The following TMEM45A variants were observed in gnomAD, a reference collection of about 807,000 sequenced individuals.
TMEM45A encodes transmembrane protein 45A, also known as DNA polymerase-transactivated protein 4.
A neutral mutation model predicts 32.0 loss-of-function variants in TMEM45A; 25 were observed. The observed-to-expected ratio is 0.78, with a 90% CI of 0.57 to 1.09. The LOEUF is 1.09. TMEM45A is among the 50% of genes least tolerant of loss of function. The pLI is 0.00. For synonymous variants in TMEM45A, 122 were observed against 114.8 expected, an observed-to-expected ratio of 1.06 and a Z score of -0.40; for missense variants, 302 against 325.0, an observed-to-expected ratio of 0.93 and a Z score of 0.54.
rs191121986 is a variant in TMEM45A at position 100,556,289 on chromosome 3, G to A, written c.191-471G>A. 1.6e-3 allele frequency among the ~76,000 whole-genome samples: 238 copies of A among 152,320 alleles called. 2 individuals carry two copies. Among genetic ancestry groups the A allele is most frequent in the Non-Finnish European group, 2.4e-3 (163 of 68,024 alleles). ...AGCCACTGTGCCCAGTCCTGTCTGG[G>A]CTTTCTCAGTTATCATAATTGGAGA... On this transcript the variant is annotated intron_variant, in intron 2 of 5. Transcript: ENST00000323523.
At chr3:100,500,683 C>T (rs1707998087) in intron 1 of TMEM45A, among the ~76,000 whole-genome samples, 1 of 152,232 alleles carries the variant, frequency 6.6e-6, no homozygotes, top group East Asian at 1.9e-4. Flanking sequence ...CTGGTGCCAT[C>T]AACAATCTTG....
chr3:100,558,281 G>A, intron 3 of TMEM45A, 124 bp from the exon 4 acceptor site: 1 of 1,111,606 alleles, frequency 9.0e-7, no homozygotes, highest in Non-Finnish European at 1.3e-6. Context: ...GGAATCAGTG[G>A]GCGCCTGCTC....
intron 1 of TMEM45A, among the ~76,000 whole-genome samples, chr3:100,517,059 A>G (rs1369588665): frequency 6.6e-6 from 1 of 152,164 alleles, no homozygotes; most frequent in Non-Finnish European, 1.5e-5. Flanking sequence ...TGTGTTCTCA[A>G]TCACTGATGG....
intron 1 of TMEM45A, among the ~76,000 whole-genome samples, chr3:100,495,742 T>C (rs1383533251): frequency 1.3e-5 from 2 of 152,126 alleles, no homozygotes; most frequent in Non-Finnish European, 2.9e-5. Context: ...AGTCTGTGTT[T>C]TGGAGTCATT....
chr3:100,496,386 A>G (rs1338667913), intron 1 of TMEM45A, among the ~76,000 whole-genome samples: 1 of 152,226 alleles, frequency 6.6e-6, no homozygotes, highest in African/African-American at 2.4e-5. Flanking sequence ...TTGAGGAGAC[A>G]AGGGCAAAGG....
intron 4 of TMEM45A, among the ~76,000 whole-genome samples, chr3:100,561,341 G>A (rs1706325996): frequency 6.6e-6 from 1 of 152,086 alleles, no homozygotes; most frequent in East Asian, 1.9e-4. Context: ...TGGTTAATAT[G>A]TTAATACTTG....
chr3:100,568,332 AT>A (rs1706486458), intron 4 of TMEM45A, among the ~76,000 whole-genome samples: 1 of 152,190 alleles, frequency 6.6e-6, no homozygotes, highest in South Asian at 2.1e-4. Flanking sequence ...CTCTAGCTAA[AT>A]CTTAACTTAA....
chr3:100,518,606 C>G (rs926269309), intron 1 of TMEM45A, among the ~76,000 whole-genome samples: 1 of 152,184 alleles, frequency 6.6e-6, no homozygotes, highest in Non-Finnish European at 1.5e-5. Context: ...ATTTCTTAAG[C>G]AAGAGACAAG....
intron 1 of TMEM45A, among the ~76,000 whole-genome samples, chr3:100,549,513 T>C (rs1706049933): frequency 6.6e-6 from 1 of 152,172 alleles, no homozygotes; most frequent in Admixed American, 6.5e-5. Flanking sequence ...GTGAGTCACA[T>C]CCAGAACTGC....
intron 1 of TMEM45A, among the ~76,000 whole-genome samples, chr3:100,528,530 G>C (rs1705590139): frequency 6.6e-6 from 1 of 152,204 alleles, no homozygotes; most frequent in Non-Finnish European, 1.5e-5. Context: ...AGGCAGGATG[G>C]AAGGAGACTT....
Position 100,505,092 on chromosome 3 carries a change from G to T in TMEM45A, c.-4+12164G>T, listed in dbSNP as rs192339792. Among the ~76,000 whole-genome samples, 85 of 152,312 alleles carry T rather than the reference G, an allele frequency of 5.6e-4. 1 individual carries two copies. Among genetic ancestry groups the T allele is most frequent in the Non-Finnish European group, 2.9e-4 (20 of 68,026 alleles). ...GTTGTCACAGACTCATTGCTGGGGA[G>T]TGTGGCTACCATTGCTGCATTGGTT... On this transcript the variant is annotated intron_variant, in intron 1 of 5. Coordinates refer to ENST00000323523, the MANE Select transcript of TMEM45A (RefSeq NM_018004.3).
At chr3:100,552,313 A>G (rs1403339025) in intron 1 of TMEM45A, among the ~76,000 whole-genome samples, 1 of 152,176 alleles carries the variant, frequency 6.6e-6, no homozygotes, top group Non-Finnish European at 1.5e-5. Context: ...CATAGAGGCT[A>G]TTGAGGAGGA....
chr3:100,528,176 G>A (rs1705582694), intron 1 of TMEM45A, among the ~76,000 whole-genome samples: 1 of 152,182 alleles, frequency 6.6e-6, no homozygotes, highest in South Asian at 2.1e-4. Flanking sequence ...GGTGCCAAGG[G>A]TTGAAGGACA....
intron 4 of TMEM45A, 24 bp from the exon 5 acceptor site, chr3:100,568,798 T>C (rs1216986735): frequency 2.5e-6 from 4 of 1,578,892 alleles, no homozygotes; most frequent in Non-Finnish European, 3.5e-6. Flanking sequence ...TATTTTAATA[T>C]ATGCTTTTTG....
chr3:100,528,561 T>A (rs954558175), intron 1 of TMEM45A, among the ~76,000 whole-genome samples: 1 of 152,072 alleles, frequency 6.6e-6, no homozygotes, highest in African/African-American at 2.4e-5. Context: ...GGACCCCTTG[T>A]TTTTTTCTGT....
At chr3:100,514,581 C>T (rs544751673) in intron 1 of TMEM45A, among the ~76,000 whole-genome samples, 27,519 of 151,428 alleles carry the variant, frequency 0.18, 2,644 homozygotes, top group East Asian at 0.28. Flanking sequence ...GACTTCATGT[C>T]TAAAACACCA....
rs1286436968 is a variant in TMEM45A at position 100,558,493 on chromosome 3, C to G, written c.492C>G (p.Gly164=). Residue 164 remains glycine (G), a synonymous_variant, in exon 4 of 6, where the codon GGC becomes GGG. Coordinates refer to ENST00000323523, the MANE Select transcript of TMEM45A (RefSeq NM_018004.3). ...TGGTTTTGGTCGTCTTTCTGACAGG[C>G]CTCGTTGCCTTCCTAGAGTTCCTTG... The part of the protein sequence containing the change: ...QLLVLVVFLT[G]LVAFLEFLVR... 6.2e-7 allele frequency: 1 copy of G among 1,614,036 alleles called. No individual in the cohort carries two copies. The highest frequency in any genetic ancestry group is 1.3e-5 in the African/African-American group (1 of 74,920).
At position 100,556,848 on chromosome 3, in the gene TMEM45A, GCAT is replaced by G; in HGVS notation, c.283_285del (p.His95del). ...GTCACTGGAATCAACTCCTGGGCTG[GCAT>G]CATTTCACCATGTATTTCTTCTTTG... On this transcript the variant is annotated inframe_deletion, in exon 3 of 6. Transcript: ENST00000323523. 1 of 1,614,160 alleles carries G rather than the reference GCAT, an allele frequency of 6.2e-7. No homozygotes were observed. The highest frequency in any genetic ancestry group is 1.3e-5 in the African/African-American group (1 of 75,034).
chr3:100,531,576 A>G (rs1280432787), intron 1 of TMEM45A, among the ~76,000 whole-genome samples: 1 of 152,216 alleles, frequency 6.6e-6, no homozygotes, highest in East Asian at 1.9e-4. Context: ...TAGCTTGAAT[A>G]GAGAATCAAC....
Sources: gnomAD v4.1 joint callset for allele counts (sites outside exome capture counted in the v4.1 genomes callset) on GRCh38, gnomAD v4.1.1 for gene constraint, MANE v1.5 for transcripts, NCBI Gene and HGNC (gene_info 2026-07-23, HGNC 2026-07-21) for gene names.